NLRP12: variants seen among roughly 807,000 people sequenced by gnomAD.
NLRP12 encodes NACHT, LRR and PYD domains-containing protein 12.
In NLRP12, 108 loss-of-function variants were observed where a neutral mutation model predicts 91.2. That is an observed-to-expected ratio of 1.18 (90% CI 1.01 to 1.39). NLRP12 has a LOEUF of 1.39. Among genes scored for constraint, NLRP12 ranks in the 40% most tolerant of loss-of-function variants. The pLI is 0.00. For missense variants in NLRP12, 1,530 were observed against 1,352.7 expected, an observed-to-expected ratio of 1.13 and a Z score of -2.06; for synonymous variants, 613 against 566.7, an observed-to-expected ratio of 1.08 and a Z score of -1.16.
At chr19:53,819,922 A>T (rs186093306) in intron 1 of NLRP12, among the ~76,000 whole-genome samples, 2 of 151,410 alleles carry the variant, frequency 1.3e-5, no homozygotes, top group East Asian at 3.9e-4. Flanking sequence ...AGGAGGGAAG[A>T]AAGGCTACAA....
chr19:53,819,455 A>ATGTGTGTG lies in NLRP12; in HGVS notation c.289+4430_289+4431insCACACACA, dbSNP rs1387933382. On this transcript the variant is annotated intron_variant, in intron 1 of 9. Coordinates refer to ENST00000324134, the MANE Select transcript of NLRP12 (RefSeq NM_144687.4). The stretch of plus-strand genomic sequence containing the variant: ...TATATATATATATATATATATATAT[A>ATGTGTGTG]TATGTGTGTGTGTGTGTGTGTGTGT... Among the ~76,000 whole-genome samples the ATGTGTGTG allele has an allele frequency of 5.5e-4, 3 of 5,408 alleles. 1 individual carries two copies. Among genetic ancestry groups the ATGTGTGTG allele is most frequent in the African/African-American group, 1.3e-3 (2 of 1,590 alleles). The allele number at this position is 5,408 out of a possible 152,430, so 3.5% of individuals were successfully genotyped here. A position where few individuals can be genotyped will look rare whatever the true frequency, so the allele number is the denominator to read the frequency against.
At chr19:53,815,290 A>G (rs994127822) in intron 1 of NLRP12, among the ~76,000 whole-genome samples, 1 of 135,194 alleles carries the variant, frequency 7.4e-6, no homozygotes, top group Non-Finnish European at 1.5e-5. Context: ...ATGCAGTGGC[A>G]TGATCTCGGC....
At chr19:53,818,526 G>A (rs1202652731) in intron 1 of NLRP12, among the ~76,000 whole-genome samples, 3 of 151,840 alleles carry the variant, frequency 2.0e-5, no homozygotes, top group East Asian at 1.9e-4. Context: ...TTAGCCGGGC[G>A]TGGTGGCGGG....
intron 6 of NLRP12, 43 bp from the exon 7 acceptor site, chr19:53,801,440 T>G: frequency 6.9e-7 from 1 of 1,456,164 alleles, no homozygotes. Flanking sequence ...AGGCTTTCCT[T>G]TCTTTTTCTT....
chr19:53,823,538 TA>T, intron 1 of NLRP12, among the ~76,000 whole-genome samples: 1 of 143,622 alleles, frequency 7.0e-6, no homozygotes, highest in Non-Finnish European at 1.5e-5. Context: ...TAAATATATA[TA>T]TTTTAAAAAA....
At chr19:53,797,522 C>T (rs1310843055) in intron 8 of NLRP12, among the ~76,000 whole-genome samples, 1 of 152,008 alleles carries the variant, frequency 6.6e-6, no homozygotes, top group East Asian at 1.9e-4. Flanking sequence ...AGGTTCAAGT[C>T]ATTCTCCTGC....
rs368650725 is a variant in NLRP12, at chr19:53,798,449, A to G, written c.2757-36T>C. 17 of 1,600,520 alleles carry G rather than the reference A, an allele frequency of 1.1e-5. No individual in the cohort carries two copies. In the African/African-American group the frequency reaches 2.0e-4, roughly 19 times the overall value. On this transcript the variant is annotated intron_variant, in intron 7 of 9. Coordinates refer to ENST00000324134, the MANE Select transcript of NLRP12 (RefSeq NM_144687.4). ...AGGATGCTAGGGCGGAGTGGGAGGC[A>G]TTCCTCCTGCAAAATCTGCTGGGAG...
At chr19:53,803,027 C>T (rs1181272342) in intron 6 of NLRP12, among the ~76,000 whole-genome samples, 1 of 152,116 alleles carries the variant, frequency 6.6e-6, no homozygotes, top group African/African-American at 2.4e-5. Flanking sequence ...GTGATTACAG[C>T]TGTGAGCCAC....
rs1270052163 is a variant in NLRP12 at position 53,804,406 on chromosome 19, T to G, written c.2415-284A>C. 2.7e-5 allele frequency among the ~76,000 whole-genome samples: 4 copies of G among 148,032 alleles called. No individual in the cohort carries two copies. In the East Asian group the frequency reaches 6.0e-4, roughly 22 times the overall value. ...TGTTTTTTTTGGGTTTTTTTGTTTT[T>G]TTTTTTTTTTGAGGTAGAACCTCAT... On this transcript the variant is annotated intron_variant, in intron 5 of 9. Transcript: ENST00000324134.
At chr19:53,796,664 G>A (rs189654480) in intron 8 of NLRP12, among the ~76,000 whole-genome samples, 138 of 151,972 alleles carry the variant, frequency 9.1e-4, no homozygotes, top group African/African-American at 3.2e-3. Context: ...GATTATAGGC[G>A]TGAGCCACTA....
In NLRP12 at chr19:53,796,015, C is replaced by G; in HGVS notation, c.2942G>C (p.Gly981Ala). ...RLQKLWLDSC[G>A]LTAKACENLY... ...ATTCTCACAAGCCTTGGCTGTGAGG[C>G]CACAGCTATCCAGCCTGGTGAAGAT... Residue 981 changes from glycine (G) to alanine (A), a missense_variant, in exon 9 of 10, where the codon GGC becomes GCC. Physicochemically the swap from Gly to Ala is moderately conservative, Grantham distance 60. Transcript: ENST00000324134. The G allele has an allele frequency of 1.2e-6, 2 of 1,614,082 alleles. No homozygotes were observed. Among genetic ancestry groups the G allele is most frequent in the South Asian group, 2.2e-5 (2 of 91,082 alleles).
intron 9 of NLRP12, among the ~76,000 whole-genome samples, chr19:53,794,850 C>T (rs1240229639): frequency 6.6e-6 from 1 of 151,672 alleles, no homozygotes; most frequent in Non-Finnish European, 1.5e-5. Flanking sequence ...CATAGAGCCA[C>T]CCGCTCCCAG....
At chr19:53,818,125 T>G (rs909861847) in intron 1 of NLRP12, among the ~76,000 whole-genome samples, 2 of 150,336 alleles carry the variant, frequency 1.3e-5, no homozygotes, top group African/African-American at 4.9e-5. Flanking sequence ...GCTCTGTTGC[T>G]CAGGCTGGAG....
Position 53,819,658 on chromosome 19 carries a change from C to CGT in NLRP12, c.289+4227_289+4228insAC, listed in dbSNP as rs1568696736. On this transcript the variant is annotated intron_variant, in intron 1 of 9. Transcript: ENST00000324134. ...ATATGTATGTATACGTATATATATA[C>CGT]ACATGTATACATATATGTATGTATA... Among the ~76,000 whole-genome samples, 59 of 30,434 alleles carry CGT rather than the reference C, an allele frequency of 1.9e-3. 7 individuals are homozygous for CGT. The highest frequency in any genetic ancestry group is 3.6e-3 in the Admixed American group (11 of 3,096). The allele number at this position is 30,434 out of a possible 152,430, so 20.0% of individuals were successfully genotyped here.
In NLRP12 at chr19:53,793,954, T is replaced by C; in HGVS notation, c.*95A>G. 1.1e-6 allele frequency: 1 copy of C among 882,682 alleles called. No homozygotes were observed. 54.7% of individuals were successfully genotyped at this position (882,682 alleles called of 1,614,324 possible). On this transcript the variant is annotated 3_prime_UTR_variant, in exon 10 of 10. Transcript: ENST00000324134. ...ATCTCAATCTGCATGAGTCTGTCTC[T>C]AGGAAGGAGGCTGATCATTATGCTG... is the stretch of plus-strand genomic sequence containing the variant.
intron 1 of NLRP12, among the ~76,000 whole-genome samples, chr19:53,823,082 A>AAT (rs1467201655): frequency 1.8e-4 from 2 of 11,136 alleles, no homozygotes; most frequent in Non-Finnish European, 5.7e-4. Context: ...CATCTCTTAA[A>AAT]ATATATATAC....
Position 53,798,384 on chromosome 19 carries a change from G to GCGGCAGAGCCCAGC in NLRP12, c.2772_2785dup (p.Ala929GlyfsTer25). 1 of 1,614,114 alleles carries GCGGCAGAGCCCAGC rather than the reference G, an allele frequency of 6.2e-7. No individual in the cohort carries two copies. The highest frequency in any genetic ancestry group is 8.5e-7 in the Non-Finnish European group (1 of 1,180,030). On this transcript the variant is annotated frameshift_variant, in exon 8 of 10. Coordinates refer to ENST00000324134, the MANE Select transcript of NLRP12 (RefSeq NM_144687.4). LOFTEE classifies it high-confidence loss of function. The stretch of plus-strand genomic sequence containing the variant: ...GAGCACCACAGAAAGACCCTCACAG[G>GCGGCAGAGCCCAGC]CGGCAGAGCCCAGCCGGCAGATGCC...
rs895257186 is a variant in NLRP12 at position 53,798,797 on chromosome 19, A to G, written c.2757-384T>C. ...CCTCTTGTTGTCCAGGCTGGAGTGC[A>G]ATGGTGCAATCTCGGCTCACTGCAA... On this transcript the variant is annotated intron_variant, in intron 7 of 9. Coordinates refer to ENST00000324134, the MANE Select transcript of NLRP12 (RefSeq NM_144687.4). Among the ~76,000 whole-genome samples, 8 of 152,138 alleles carry G rather than the reference A, an allele frequency of 5.3e-5. No individual in the cohort carries two copies. The East Asian group carries it at 1.5e-3, about 29-fold the overall frequency.
intron 5 of NLRP12, among the ~76,000 whole-genome samples, chr19:53,804,393 G>GTTTTTTTTTTTTTTTTTT (rs923117109): frequency 8.7e-6 from 1 of 114,806 alleles, no homozygotes; most frequent in Non-Finnish European, 1.8e-5. Context: ...TTTTTTTTGG[G>GTTTTTTTTTTTTTTTTTT]TTTTTTTGTT....
Sources: allele counts gnomAD v4.1 joint callset (sites outside exome capture counted in the v4.1 genomes callset), GRCh38; gene constraint gnomAD v4.1.1; transcripts MANE v1.5; gene names NCBI Gene and HGNC (gene_info 2026-07-23, HGNC 2026-07-21).